The following TTBK2 variants were observed in gnomAD, a reference collection of about 807,000 sequenced individuals.
TTBK2 encodes tau-tubulin kinase 2.
In TTBK2, 28 loss-of-function variants were observed where a neutral mutation model predicts 110.8. The observed-to-expected ratio is 0.25, with a 90% CI of 0.19 to 0.35. The LOEUF is 0.35. TTBK2 is among the 10% of genes least tolerant of loss of function. The pLI is 1.00. For synonymous variants in TTBK2, 532 were observed against 527.3 expected, an observed-to-expected ratio of 1.01 and a Z score of -0.12; for missense variants, 1,369 against 1,500.3, an observed-to-expected ratio of 0.91 and a Z score of 1.45.
intron 13 of TTBK2, among the ~76,000 whole-genome samples, chr15:42,754,933 G>C (rs568819391): frequency 6.8e-6 from 1 of 146,236 alleles, no homozygotes; most frequent in Non-Finnish European, 1.5e-5. Flanking sequence ...GCTTGAACCC[G>C]AGAGGCAGAG....
intron 6 of TTBK2, among the ~76,000 whole-genome samples, chr15:42,819,497 C>T (rs2140955681): frequency 1.3e-5 from 2 of 152,272 alleles, no homozygotes; most frequent in Non-Finnish European, 2.9e-5. Context: ...ATTAAATACT[C>T]TCTTTCCCTT....
intron 9 of TTBK2, among the ~76,000 whole-genome samples, chr15:42,807,644 C>T (rs1296879795): frequency 6.6e-6 from 1 of 151,598 alleles, no homozygotes; most frequent in Non-Finnish European, 1.5e-5. Context: ...ACTATGTTGC[C>T]CAGGCTGGTC....
At chr15:42,903,745 G>A (rs1230716683) in intron 1 of TTBK2, among the ~76,000 whole-genome samples, 1 of 152,178 alleles carries the variant, frequency 6.6e-6, no homozygotes, top group African/African-American at 2.4e-5. Flanking sequence ...AGTGTGGGCT[G>A]TATTTAGTGA....
chr15:42,762,635 T>C (rs1010789252), intron 13 of TTBK2, among the ~76,000 whole-genome samples: 10 of 152,120 alleles, frequency 6.6e-5, no homozygotes, highest in African/African-American at 2.4e-4. Flanking sequence ...GAGCATTGCT[T>C]GAACCCGGGA....
intron 9 of TTBK2, among the ~76,000 whole-genome samples, chr15:42,795,213 G>C (rs1415236355): frequency 6.6e-6 from 1 of 150,514 alleles, no homozygotes; most frequent in Non-Finnish European, 1.5e-5. Context: ...AACATGTAAC[G>C]TGTCTAGGTA....
intron 10 of TTBK2, among the ~76,000 whole-genome samples, chr15:42,786,462 T>C (rs1458162506): frequency 6.6e-6 from 1 of 152,206 alleles, no homozygotes; most frequent in African/African-American, 2.4e-5. Context: ...TCAAGAAGCT[T>C]AGTCTATTAT....
At chr15:42,828,227 G>A (rs780724215) in intron 5 of TTBK2, among the ~76,000 whole-genome samples, 195 bp from the exon 6 acceptor site, 1 of 151,892 alleles carries the variant, frequency 6.6e-6, no homozygotes, top group Non-Finnish European at 1.5e-5. Flanking sequence ...CCTAATATCA[G>A]GTAAACTTTG....
chr15:42,864,513 G>A (rs1894286540), intron 3 of TTBK2, among the ~76,000 whole-genome samples: 1 of 152,084 alleles, frequency 6.6e-6, no homozygotes, highest in African/African-American at 2.4e-5. Context: ...GAACCCGGGA[G>A]GCAAAGCTTG....
At chr15:42,918,830 C>A (rs577116744) in intron 1 of TTBK2, among the ~76,000 whole-genome samples, 18 of 152,200 alleles carry the variant, frequency 1.2e-4, no homozygotes, top group Non-Finnish European at 1.2e-4. Flanking sequence ...AATCTAAAGT[C>A]ATATATAATG....
At chr15:42,902,916 T>A (rs1288262765) in intron 1 of TTBK2, among the ~76,000 whole-genome samples, 1 of 145,218 alleles carries the variant, frequency 6.9e-6, no homozygotes, top group Non-Finnish European at 1.5e-5. Flanking sequence ...ACCCAGAAGG[T>A]GGATGTTACA....
chr15:42,829,054 T>C (rs1055915211), intron 5 of TTBK2, among the ~76,000 whole-genome samples: 10 of 152,170 alleles, frequency 6.6e-5, no homozygotes, highest in Admixed American at 6.5e-4. Context: ...TGCATAGAAA[T>C]AGACTGACTC....
At chr15:42,824,848 A>C (rs1392167444) in intron 6 of TTBK2, among the ~76,000 whole-genome samples, 1 of 152,100 alleles carries the variant, frequency 6.6e-6, no homozygotes, top group East Asian at 1.9e-4. Flanking sequence ...AAACTTGCAC[A>C]GGTGCCCCAA....
intron 11 of TTBK2, among the ~76,000 whole-genome samples, chr15:42,781,162 A>G (rs1890162503): frequency 6.6e-6 from 1 of 152,174 alleles, no homozygotes; most frequent in Admixed American, 6.5e-5. Flanking sequence ...GCATAACTGT[A>G]TTAACATCTG....
chr15:42,867,160 C>T (rs1474630041), intron 3 of TTBK2, among the ~76,000 whole-genome samples: 8 of 150,834 alleles, frequency 5.3e-5, no homozygotes, highest in Admixed American at 2.0e-4. Flanking sequence ...AAGAGAATGG[C>T]GTGAACCTGG....
intron 3 of TTBK2, 85 bp downstream of exon 3, chr15:42,872,526 A>G (rs1178326434): frequency 4.0e-6 from 6 of 1,483,078 alleles, no homozygotes; most frequent in Admixed American, 3.5e-5. Context: ...TAGTACTTAA[A>G]GAATGTAATT....
chr15:42,812,118 A>G (rs1891748724), intron 7 of TTBK2, among the ~76,000 whole-genome samples: 1 of 152,172 alleles, frequency 6.6e-6, no homozygotes, highest in Non-Finnish European at 1.5e-5. Flanking sequence ...AAGGGAAGCA[A>G]GCTGATGCTG....
intron 6 of TTBK2, among the ~76,000 whole-genome samples, chr15:42,820,884 C>T (rs918702834): frequency 6.6e-6 from 1 of 152,018 alleles, no homozygotes; most frequent in African/African-American, 2.4e-5. Context: ...GTGGCACACA[C>T]CTATAGCCCC....
At chr15:42,877,197 C>A (rs772347553) in intron 2 of TTBK2, among the ~76,000 whole-genome samples, 1 of 151,876 alleles carries the variant, frequency 6.6e-6, no homozygotes, top group Non-Finnish European at 1.5e-5. Flanking sequence ...ACTAACAGAC[C>A]TAGGTAATGA....
intron 13 of TTBK2, among the ~76,000 whole-genome samples, chr15:42,760,435 A>C (rs191613472): frequency 1.6e-3 from 239 of 152,100 alleles, no homozygotes; most frequent in Middle Eastern, 3.4e-3. Flanking sequence ...GAAATAAAAA[A>C]TACAATTGAG....
Sources: gnomAD v4.1 joint callset for allele counts (sites outside exome capture counted in the v4.1 genomes callset) on GRCh38, gnomAD v4.1.1 for gene constraint, MANE v1.5 for transcripts, NCBI Gene and HGNC (gene_info 2026-07-23, HGNC 2026-07-21) for gene names.